DGKB: variants seen among roughly 807,000 people sequenced by gnomAD.
DGKB encodes 90 kDa diacylglycerol kinase.
DGKB carries 67 observed loss-of-function variants against 114.3 expected under a neutral mutation model. The observed-to-expected ratio is 0.59, with a 90% CI of 0.48 to 0.72. DGKB has a LOEUF of 0.72. Among genes scored for constraint, DGKB ranks in the 30% least tolerant of loss-of-function variants. DGKB has a pLI of 0.00. For synonymous variants in DGKB, 398 were observed against 323.1 expected, an observed-to-expected ratio of 1.23 and a Z score of -2.49; for missense variants, 907 against 975.2, an observed-to-expected ratio of 0.93 and a Z score of 0.93.
intron 2 of DGKB, among the ~76,000 whole-genome samples, chr7:14,788,426 C>A (rs1249527220): frequency 6.6e-6 from 1 of 152,194 alleles, no homozygotes; most frequent in Non-Finnish European, 1.5e-5. Context: ...GTATTCCTCT[C>A]AGGTTAGCTA....
intron 23 of DGKB, among the ~76,000 whole-genome samples, chr7:14,245,244 A>G (rs933485589): frequency 6.6e-6 from 1 of 152,194 alleles, no homozygotes; most frequent in African/African-American, 2.4e-5. Context: ...CTACTGGCTA[A>G]AAATAAATGT....
At chr7:14,481,463 C>A (rs73282311) in intron 20 of DGKB, among the ~76,000 whole-genome samples, 3,034 of 151,942 alleles carry the variant, frequency 0.02, 122 homozygotes, top group Admixed American at 0.091. Context: ...ATATTGTCAT[C>A]AATATTATCT....
At chr7:14,309,723 T>A (rs1183232472) in intron 23 of DGKB, among the ~76,000 whole-genome samples, 1 of 152,182 alleles carries the variant, frequency 6.6e-6, no homozygotes, top group Non-Finnish European at 1.5e-5. Flanking sequence ...TCTTCAGGGA[T>A]TACTCTCATC....
chr7:14,609,241 C>T (rs1332696975), intron 16 of DGKB, among the ~76,000 whole-genome samples: 2 of 151,988 alleles, frequency 1.3e-5, no homozygotes, highest in African/African-American at 4.8e-5. Flanking sequence ...AATAAAGCTG[C>T]AAACCTTCAT....
intron 1 of DGKB, among the ~76,000 whole-genome samples, chr7:14,897,608 A>T (rs1158828416): frequency 1.3e-5 from 2 of 151,986 alleles, no homozygotes; most frequent in Admixed American, 6.6e-5. Flanking sequence ...AAACCAGAAA[A>T]TAGGTATCAG....
At chr7:14,209,627 C>A in intron 23 of DGKB, 1 of 388,324 alleles carries the variant, frequency 2.6e-6, no homozygotes, top group Non-Finnish European at 5.2e-6. Context: ...TTACCAATCT[C>A]CCATTTGAAG....
chr7:14,767,966 A>C (rs1836718159), intron 2 of DGKB, among the ~76,000 whole-genome samples: 1 of 151,972 alleles, frequency 6.6e-6, no homozygotes, highest in South Asian at 2.1e-4. Flanking sequence ...AAGACAATAC[A>C]AAATCATTAA....
In DGKB at chr7:14,557,432, AG is replaced by A. The variant is rs1796031920; in HGVS notation, c.1770+16779del. 3.9e-5 allele frequency among the ~76,000 whole-genome samples: 6 copies of A among 152,102 alleles called. No homozygotes were observed. The South Asian group carries it at 1.2e-3, about 32-fold the overall frequency. ...ATTCTATTTGTCATTTTTTTAGGGGAGAAAAAAGCTTTGGGCTTTGTCTGTC... is the reference window on the plus strand; with the variant it reads ...ATTCTATTTGTCATTTTTTTAGGGGAAAAAAAGCTTTGGGCTTTGTCTGTC... On this transcript the variant is annotated intron_variant, in intron 20 of 25. Coordinates refer to ENST00000402815, the MANE Select transcript of DGKB (RefSeq NM_001350709.2).
chr7:14,384,411 C>T (rs1399373097), intron 21 of DGKB, among the ~76,000 whole-genome samples: 1 of 152,176 alleles, frequency 6.6e-6, no homozygotes, highest in East Asian at 1.9e-4. Flanking sequence ...TCAGTGGCTG[C>T]TTTCACTCTA....
intron 23 of DGKB, among the ~76,000 whole-genome samples, chr7:14,323,182 A>C (rs1808121460): frequency 6.6e-6 from 1 of 152,322 alleles, no homozygotes; most frequent in Non-Finnish European, 1.5e-5. Context: ...GGAATTTAAA[A>C]GGCCAGATGC....
intron 2 of DGKB, among the ~76,000 whole-genome samples, chr7:14,825,033 T>TACAC (rs1554292374): frequency 7.1e-6 from 1 of 140,060 alleles, no homozygotes; most frequent in South Asian, 2.3e-4. Flanking sequence ...TATATATATA[T>TACAC]ATATATATAT....
chr7:14,244,054 G>GGAGAGA (rs34158469), intron 23 of DGKB, among the ~76,000 whole-genome samples: 1 of 150,450 alleles, frequency 6.6e-6, no homozygotes, highest in Non-Finnish European at 1.5e-5. Context: ...AGAGAGAGAG[G>GGAGAGA]GAGAGAGAGA....
chr7:14,155,809 G>C lies in DGKB; in HGVS notation c.2305-6571C>G, dbSNP rs555004480. ...TAGAAAGAGAAGCGTTTTTGGTAGG[G>C]GTGAAAACCAGGAAGTTGGTGAACC... On this transcript the variant is annotated intron_variant, in intron 25 of 25. Coordinates refer to ENST00000402815, the MANE Select transcript of DGKB (RefSeq NM_001350709.2). 7.9e-5 allele frequency among the ~76,000 whole-genome samples: 12 copies of C among 152,170 alleles called. No individual in the cohort carries two copies. The South Asian group carries it at 2.5e-3, about 32-fold the overall frequency.
Position 14,149,248 on chromosome 7 carries a change from A to G in DGKB, c.2305-10T>C, listed in dbSNP as rs111630407. ...TGTGTGTAATTTTTATCTAGAAAAA[A>G]AGAGAGAGAGAGAGAGAGAAAGAAT... On this transcript the variant is annotated splice_polypyrimidine_tract_variant and intron_variant, in intron 25 of 25. Transcript: ENST00000402815. 8.5e-6 allele frequency: 13 copies of G among 1,535,758 alleles called. No homozygotes were observed. The highest frequency in any genetic ancestry group is 5.8e-5 in the South Asian group (5 of 85,822).
intron 20 of DGKB, among the ~76,000 whole-genome samples, chr7:14,524,853 T>C (rs1790391304): frequency 6.6e-6 from 1 of 151,984 alleles, no homozygotes; most frequent in Admixed American, 6.6e-5. Context: ...TTGTGAGATA[T>C]GATGAAAGAT....
chr7:14,969,619 C>T (rs1459749034), intron 1 of DGKB, among the ~76,000 whole-genome samples: 4 of 152,066 alleles, frequency 2.6e-5, no homozygotes, highest in East Asian at 1.9e-4. Context: ...ACTAAGCATG[C>T]GAGGGATCTA....
intron 20 of DGKB, among the ~76,000 whole-genome samples, chr7:14,484,255 T>G (rs1474599971): frequency 6.6e-6 from 1 of 152,138 alleles, no homozygotes; most frequent in East Asian, 1.9e-4. Flanking sequence ...AACCAAACAG[T>G]AAAACTCTAG....
chr7:14,609,390 C>CT (rs2128786102), intron 16 of DGKB, among the ~76,000 whole-genome samples: 1 of 152,120 alleles, frequency 6.6e-6, no homozygotes, highest in South Asian at 2.1e-4. Flanking sequence ...CAAAAATTAA[C>CT]TCAACATGGA....
intron 14 of DGKB, among the ~76,000 whole-genome samples, chr7:14,625,654 T>G (rs1420325047): frequency 1.3e-5 from 2 of 152,116 alleles, no homozygotes; most frequent in African/African-American, 4.8e-5. Flanking sequence ...AACCACAAAA[T>G]AAATTACATT....
Sources: allele counts gnomAD v4.1 joint callset (sites outside exome capture counted in the v4.1 genomes callset), GRCh38; gene constraint gnomAD v4.1.1; transcripts MANE v1.5; gene names NCBI Gene and HGNC (gene_info 2026-07-23, HGNC 2026-07-21).